Variants in TP63 observed in about 807,000 individuals in gnomAD.
TP63 encodes the protein tumor protein p63, also known as tumor protein 63.
A neutral mutation model predicts 82.8 loss-of-function variants in TP63; 17 were observed. That is an observed-to-expected ratio of 0.21 (90% confidence interval 0.14 to 0.31). TP63 has a LOEUF of 0.31. TP63 is among the 10% of genes least tolerant of loss of function. TP63 has a pLI of 1.00. For missense variants in TP63, 648 were observed against 895.3 expected (o/e 0.72, Z 3.52); for synonymous variants, 330 against 321.7 (o/e 1.03, Z -0.28).
the TP63 span, among the ~76,000 whole-genome samples, chr3:189,604,162 G>A: frequency 3.2e-3 from 483 of 152,260 alleles, 3 homozygotes; most frequent in African/African-American, 0.01. Context: ...ACCTCCTTGC[G>A]TGTCCATTCC....
At chr3:189,613,189 C>T in the TP63 span, among the ~76,000 whole-genome samples, 1 of 151,916 alleles carries the variant, frequency 6.6e-6, no homozygotes, top group Non-Finnish European at 1.5e-5. Flanking sequence ...ATCACAGGCC[C>T]AGAGACCCAG....
the TP63 span, among the ~76,000 whole-genome samples, chr3:189,605,060 T>C: frequency 6.6e-6 from 1 of 152,176 alleles, no homozygotes; most frequent in Non-Finnish European, 1.5e-5. Flanking sequence ...AGCTCTCTTG[T>C]GGCTTGGTTT....
intron 3 of TP63, among the ~76,000 whole-genome samples, chr3:189,765,113 G>T (rs1423711398): frequency 6.6e-6 from 1 of 152,096 alleles, no homozygotes; most frequent in Non-Finnish European, 1.5e-5. Context: ...GAATTAAATA[G>T]ATGCAGCCAG....
At chr3:189,837,785 T>C (rs1257718250) in intron 4 of TP63, among the ~76,000 whole-genome samples, 1 of 151,936 alleles carries the variant, frequency 6.6e-6, no homozygotes, top group East Asian at 1.9e-4. Flanking sequence ...TGATGGCTAA[T>C]TTATGTATTT....
At chr3:189,645,822 A>G (rs1460451099) in intron 1 of TP63, among the ~76,000 whole-genome samples, 1 of 147,110 alleles carries the variant, frequency 6.8e-6, no homozygotes, top group Admixed American at 6.7e-5. Flanking sequence ...ATGTCCCTAC[A>G]AAGGACATGA....
chr3:189,867,140 G>T (rs1224469008), intron 6 of TP63, among the ~76,000 whole-genome samples: 1 of 152,170 alleles, frequency 6.6e-6, no homozygotes, highest in African/African-American at 2.4e-5. Context: ...GTGGATGCAA[G>T]TGTTACCATA....
At chr3:189,776,748 C>T (rs1723833733) in intron 3 of TP63, among the ~76,000 whole-genome samples, 2 of 152,172 alleles carry the variant, frequency 1.3e-5, no homozygotes, top group South Asian at 4.1e-4. Context: ...TTTAAAAAGG[C>T]ATCCTGTGCA....
chr3:189,678,818 T>C (rs902806900), intron 1 of TP63, among the ~76,000 whole-genome samples: 2 of 152,078 alleles, frequency 1.3e-5, no homozygotes, highest in African/African-American at 4.8e-5. Flanking sequence ...TAGAGACCTT[T>C]CACCTCCTTG....
intron 1 of TP63, among the ~76,000 whole-genome samples, chr3:189,734,266 G>A (rs1279417550): frequency 2.0e-5 from 3 of 149,012 alleles, no homozygotes; most frequent in Non-Finnish European, 4.4e-5. Flanking sequence ...CTGCCTCTTG[G>A]GTTCAAGCGA....
At chr3:189,861,328 A>G (rs1196028560) in intron 4 of TP63, among the ~76,000 whole-genome samples, 5 of 150,714 alleles carry the variant, frequency 3.3e-5, no homozygotes, top group African/African-American at 1.2e-4. Context: ...AAAGGACATG[A>G]TTTCAGGGAA....
At chr3:189,817,733 C>T (rs1728347062) in intron 4 of TP63, among the ~76,000 whole-genome samples, 1 of 151,894 alleles carries the variant, frequency 6.6e-6, no homozygotes, top group South Asian at 2.1e-4. Flanking sequence ...AAAAATTACA[C>T]ATAATTTTTT....
rs191698023 is a variant in TP63 at position 189,830,739 on chromosome 3, A to C, written c.579+22213A>C. Among the ~76,000 whole-genome samples, 4 of 152,320 alleles carry C rather than the reference A, an allele frequency of 2.6e-5. No homozygotes were observed. The South Asian group carries it at 8.3e-4, about 32-fold the overall frequency. Reference sequence around the variant, plus strand: ...CAAATAAAGGCCCATAATTATCATAACAGAAAAATTAATATGTGACGCAAG... The same window carrying C: ...CAAATAAAGGCCCATAATTATCATACCAGAAAAATTAATATGTGACGCAAG... On this transcript the variant is annotated intron_variant, in intron 4 of 13. Transcript: ENST00000264731.
At chr3:189,683,406 G>A (rs919741092) in intron 1 of TP63, among the ~76,000 whole-genome samples, 1 of 152,156 alleles carries the variant, frequency 6.6e-6, no homozygotes, top group African/African-American at 2.4e-5. Flanking sequence ...TTGCTGCCTT[G>A]TGAAGCTCCT....
In TP63 at chr3:189,839,059, A is replaced by AAG. The variant is rs1553851379; in HGVS notation, c.580-25172_580-25171insGA. Reference sequence around the variant, plus strand: ...CTAAGCTAAAAAAAAAAAAAAAAAAAAAAAAGAAAAAGAAAAAGTAGATTT... The same window carrying AAG: ...CTAAGCTAAAAAAAAAAAAAAAAAAAAGAAAAAGAAAAAGAAAAAGTAGATTT... On this transcript the variant is annotated intron_variant, in intron 4 of 13. Coordinates refer to ENST00000264731, the MANE Select transcript of TP63 (RefSeq NM_003722.5). 5.6e-3 allele frequency among the ~76,000 whole-genome samples: 771 copies of AAG among 136,648 alleles called. 6 individuals are homozygous for AAG. The highest frequency in any genetic ancestry group is 0.016 in the African/African-American group (612 of 38,908). 89.6% of individuals were successfully genotyped at this position (136,648 alleles called of 152,430 possible). A position where few individuals can be genotyped will look rare whatever the true frequency, so the allele number is the denominator to read the frequency against.
chr3:189,773,921 T>C (rs1723567800), intron 3 of TP63, among the ~76,000 whole-genome samples: 2 of 138,254 alleles, frequency 1.4e-5, no homozygotes, highest in African/African-American at 5.4e-5. Context: ...GTGCCTTTTT[T>C]TTTTTTTTTT....
chr3:189,700,017 C>T (rs1717683223), intron 1 of TP63, among the ~76,000 whole-genome samples: 1 of 152,156 alleles, frequency 6.6e-6, no homozygotes, highest in Admixed American at 6.6e-5. Flanking sequence ...GAACACTGGT[C>T]TGACTGCAGT....
At chr3:189,701,456 C>G (rs933346868) in intron 1 of TP63, among the ~76,000 whole-genome samples, 4 of 150,278 alleles carry the variant, frequency 2.7e-5, no homozygotes, top group South Asian at 2.1e-4. Context: ...GAGAAGCCAC[C>G]TTTCAGGAAG....
chr3:189,648,973 G>A (rs1712655271), intron 1 of TP63, among the ~76,000 whole-genome samples: 1 of 146,872 alleles, frequency 6.8e-6, no homozygotes, highest in Non-Finnish European at 1.5e-5. Flanking sequence ...TAATCAAATA[G>A]CCTTGTTGTT....
chr3:189,611,171 G>T, the TP63 span, among the ~76,000 whole-genome samples: 2 of 152,104 alleles, frequency 1.3e-5, no homozygotes, highest in Non-Finnish European at 1.5e-5. Flanking sequence ...GTCAATTTTT[G>T]CTTTTGTTGG....
Sources: allele counts gnomAD v4.1 joint callset (sites outside exome capture counted in the v4.1 genomes callset), GRCh38; gene constraint gnomAD v4.1.1; transcripts MANE v1.5; gene names NCBI Gene and HGNC (gene_info 2026-07-23, HGNC 2026-07-21).